CHRM2: variants seen among roughly 807,000 people sequenced by gnomAD.
CHRM2 encodes muscarinic acetylcholine receptor M2.
A neutral mutation model predicts 25.0 loss-of-function variants in CHRM2; 8 were observed. The observed-to-expected ratio is 0.32, with a 90% CI of 0.19 to 0.58. The LOEUF is 0.58. CHRM2 is among the 20% of genes least tolerant of loss of function. The probability of loss-of-function intolerance (pLI) is 0.88; values close to 1 mark genes in which losing one functional copy is unlikely to be tolerated. For synonymous variants in CHRM2, 202 were observed against 205.7 expected (o/e 0.98, Z 0.15); for missense variants, 440 against 567.1 (o/e 0.78, Z 2.28).
chr7:136,914,176 T>A (rs926676766), intron 2 of CHRM2: 2 of 151,982 alleles, frequency 1.3e-5, no homozygotes, highest in Non-Finnish European at 2.9e-5. Flanking sequence ...ATTGTTAGTC[T>A]CCTTTCCCAG....
At chr7:136,910,591 G>A (rs1797788558) in intron 2 of CHRM2, among the ~76,000 whole-genome samples, 1 of 151,854 alleles carries the variant, frequency 6.6e-6, no homozygotes, top group Admixed American at 6.6e-5. Context: ...GACATAAAAA[G>A]GAACATGATT....
In CHRM2 at chr7:136,895,417, A is replaced by C. The variant is rs142205353; in HGVS notation, c.-125+25999A>C. Among the ~76,000 whole-genome samples, 22 of 152,322 alleles carry C rather than the reference A, an allele frequency of 1.4e-4. No homozygotes were observed. The East Asian group carries it at 2.1e-3, about 15-fold the overall frequency. ...GTTTGGGGCTATAGCGGTTTTCCTA[A>C]ATTTCATTCCCATCTCTCCATTAGC... is the stretch of plus-strand genomic sequence containing the variant. On this transcript the variant is annotated intron_variant, in intron 2 of 3. Transcript: ENST00000680005.
At chr7:136,916,336 C>A (rs1196428043) in intron 2 of CHRM2, among the ~76,000 whole-genome samples, 1 of 151,822 alleles carries the variant, frequency 6.6e-6, no homozygotes, top group Non-Finnish European at 1.5e-5. Flanking sequence ...CTATCCTCTA[C>A]AGAAAAACAT....
At chr7:136,929,798 C>G (rs909367139) in intron 2 of CHRM2, among the ~76,000 whole-genome samples, 3 of 151,994 alleles carry the variant, frequency 2.0e-5, no homozygotes, top group Non-Finnish European at 2.9e-5. Flanking sequence ...AAAAATGTGC[C>G]TATTTATCCA....
chr7:136,947,747 T>G (rs1424759121), intron 2 of CHRM2, among the ~76,000 whole-genome samples: 1 of 152,148 alleles, frequency 6.6e-6, no homozygotes, highest in East Asian at 1.9e-4. Flanking sequence ...AGGCTAGTGT[T>G]GATGGGACCT....
At chr7:136,980,798 G>C (rs1802435423) in intron 2 of CHRM2, among the ~76,000 whole-genome samples, 2 of 152,156 alleles carry the variant, frequency 1.3e-5, no homozygotes, top group Middle Eastern at 3.2e-3. Context: ...AAGCTGACTT[G>C]ATCATAGTGG....
chr7:136,968,205 T>C (rs1767344484), intron 2 of CHRM2, among the ~76,000 whole-genome samples: 1 of 152,032 alleles, frequency 6.6e-6, no homozygotes, highest in South Asian at 2.1e-4. Context: ...TGGAAATTTG[T>C]ACCCTTGACC....
At chr7:136,922,155 A>G (rs1354141753) in intron 2 of CHRM2, among the ~76,000 whole-genome samples, 2 of 152,076 alleles carry the variant, frequency 1.3e-5, no homozygotes, top group Non-Finnish European at 2.9e-5. Context: ...ATTGATATCT[A>G]TTCTCTTCCA....
intron 2 of CHRM2, among the ~76,000 whole-genome samples, chr7:136,971,039 T>C (rs1156314293): frequency 2.0e-5 from 3 of 152,210 alleles, no homozygotes; most frequent in Non-Finnish European, 4.4e-5. Context: ...TATCTGGCAA[T>C]AATAAACACT....
At chr7:136,986,618 C>T (rs988766240) in intron 2 of CHRM2, among the ~76,000 whole-genome samples, 1 of 152,090 alleles carries the variant, frequency 6.6e-6, no homozygotes, top group African/African-American at 2.4e-5. Context: ...TTTGTTCTTC[C>T]GTAATTTGCC....
chr7:136,936,304 T>C (rs564797937), intron 2 of CHRM2, among the ~76,000 whole-genome samples: 4 of 152,250 alleles, frequency 2.6e-5, no homozygotes, highest in South Asian at 2.1e-4. Context: ...TTAAAATATA[T>C]AAATACTCAA....
At chr7:136,976,612 A>G (rs1412587841) in intron 2 of CHRM2, among the ~76,000 whole-genome samples, 1 of 152,168 alleles carries the variant, frequency 6.6e-6, no homozygotes. Context: ...GGACAAAATA[A>G]AGGGAAAACC....
intron 2 of CHRM2, among the ~76,000 whole-genome samples, chr7:136,952,387 GCGTATCGAA>G (rs1800465522): frequency 2.0e-5 from 3 of 151,808 alleles, no homozygotes; most frequent in African/African-American, 4.8e-5. Flanking sequence ...CTTATTTAAA[GCGTATCGAA>G]GATCTTATTA....
intron 2 of CHRM2, among the ~76,000 whole-genome samples, chr7:136,920,244 C>T (rs941739961): frequency 1.3e-5 from 2 of 152,006 alleles, no homozygotes; most frequent in African/African-American, 4.8e-5. Context: ...CTGTGTGTCC[C>T]CTTAGTTATG....
chr7:136,917,725 G>A (rs1390422501), intron 2 of CHRM2, among the ~76,000 whole-genome samples: 1 of 151,970 alleles, frequency 6.6e-6, no homozygotes, highest in Non-Finnish European at 1.5e-5. Context: ...GAAAAGCTAT[G>A]ATACAGGATT....
intron 2 of CHRM2, among the ~76,000 whole-genome samples, chr7:136,984,860 G>A (rs540440000): frequency 1.3e-5 from 2 of 152,180 alleles, no homozygotes; most frequent in South Asian, 4.2e-4. Flanking sequence ...TGGTCTCGCT[G>A]GGAGCTGCAG....
chr7:137,003,228 C>CTT (rs1471086336), intron 3 of CHRM2, among the ~76,000 whole-genome samples: 1 of 152,098 alleles, frequency 6.6e-6, no homozygotes, highest in Non-Finnish European at 1.5e-5. Flanking sequence ...TGCTGTCTCC[C>CTT]TCAAAAGGAG....
chr7:136,965,305 T>C (rs1801342870), intron 2 of CHRM2, among the ~76,000 whole-genome samples: 1 of 151,778 alleles, frequency 6.6e-6, no homozygotes, highest in Admixed American at 6.6e-5. Context: ...ATAGAGACAA[T>C]CTAAAATCTG....
intron 3 of CHRM2, among the ~76,000 whole-genome samples, chr7:137,012,430 T>A (rs1177150683): frequency 6.6e-6 from 1 of 152,046 alleles, no homozygotes; most frequent in Non-Finnish European, 1.5e-5. Context: ...TCCATTAACA[T>A]CATTTCCCTG....
Sources: gnomAD v4.1 joint callset for allele counts (sites outside exome capture counted in the v4.1 genomes callset) on GRCh38, gnomAD v4.1.1 for gene constraint, MANE v1.5 for transcripts, NCBI Gene and HGNC (gene_info 2026-07-23, HGNC 2026-07-21) for gene names.